The following CCSER1 variants were observed in gnomAD, a reference collection of about 807,000 sequenced individuals.
CCSER1 encodes the protein serine-rich coiled-coil domain-containing protein 1.
In CCSER1, 41 loss-of-function variants were observed where a neutral mutation model predicts 82.0. The ratio of observed to expected loss-of-function variants is 0.50; its 90% CI spans 0.39 to 0.65. The LOEUF is 0.65. Ranked by LOEUF, CCSER1 falls within the 30% of genes least tolerant of loss-of-function variation. CCSER1 has a pLI of 0.00. For synonymous variants in CCSER1, 414 were observed against 383.9 expected (o/e 1.08, Z -0.92); for missense variants, 1,119 against 1,064.2 (o/e 1.05, Z -0.72).
chr4:90,129,594 C>G (rs1024425515), intron 1 of CCSER1, among the ~76,000 whole-genome samples: 1 of 152,142 alleles, frequency 6.6e-6, no homozygotes, highest in African/African-American at 2.4e-5. Flanking sequence ...ACCACACTTT[C>G]AATAGTTTCA....
At chr4:90,795,743 T>C (rs1755914987) in intron 7 of CCSER1, among the ~76,000 whole-genome samples, 1 of 152,194 alleles carries the variant, frequency 6.6e-6, no homozygotes, top group Non-Finnish European at 1.5e-5. Flanking sequence ...TCTGCATCTA[T>C]TGAAATAATT....
At chr4:91,264,003 A>G (rs1293336998) in intron 10 of CCSER1, among the ~76,000 whole-genome samples, 1 of 151,948 alleles carries the variant, frequency 6.6e-6, no homozygotes, top group Non-Finnish European at 1.5e-5. Flanking sequence ...TTATATTTCT[A>G]TGTTTTAAAT....
At chr4:90,867,235 T>G (rs907789671) in intron 8 of CCSER1, among the ~76,000 whole-genome samples, 1 of 151,962 alleles carries the variant, frequency 6.6e-6, no homozygotes, top group Non-Finnish European at 1.5e-5. Context: ...GTAAACTTAT[T>G]TCTATCCACT....
intron 3 of CCSER1, among the ~76,000 whole-genome samples, chr4:90,373,418 C>T (rs1267335507): frequency 6.6e-6 from 1 of 152,064 alleles, no homozygotes; most frequent in Non-Finnish European, 1.5e-5. Flanking sequence ...GTATTAAAGA[C>T]TTGCCAAACT....
chr4:90,311,956 G>T (rs950615687), intron 2 of CCSER1, among the ~76,000 whole-genome samples: 1 of 152,126 alleles, frequency 6.6e-6, no homozygotes, highest in African/African-American at 2.4e-5. Context: ...TTCCACTGGG[G>T]ATACTCAGTT....
chr4:91,447,326 T>A (rs1256327457), intron 10 of CCSER1, among the ~76,000 whole-genome samples: 2 of 152,148 alleles, frequency 1.3e-5, no homozygotes, highest in African/African-American at 4.8e-5. Context: ...GCTCCTTGTC[T>A]TTTGTTCCTT....
At chr4:90,203,725 T>C (rs1738209099) in intron 1 of CCSER1, among the ~76,000 whole-genome samples, 1 of 152,184 alleles carries the variant, frequency 6.6e-6, no homozygotes, top group Non-Finnish European at 1.5e-5. Context: ...GATTGCTGGG[T>C]CAAATGGTAT....
intron 6 of CCSER1, among the ~76,000 whole-genome samples, chr4:90,722,377 GT>G (rs1742823759): frequency 6.6e-6 from 1 of 151,822 alleles, no homozygotes; most frequent in South Asian, 2.1e-4. Flanking sequence ...TTTTTTCTGT[GT>G]TTTTCAGCAT....
intron 5 of CCSER1, among the ~76,000 whole-genome samples, chr4:90,510,703 G>A (rs1012449490): frequency 3.9e-5 from 6 of 152,206 alleles, no homozygotes; most frequent in African/African-American, 1.4e-4. Context: ...GCCATGAGCA[G>A]CCATAAACAC....
intron 8 of CCSER1, among the ~76,000 whole-genome samples, chr4:90,889,982 G>A (rs563726796): frequency 6.6e-5 from 10 of 152,020 alleles, no homozygotes; most frequent in Non-Finnish European, 1.3e-4. Flanking sequence ...CAGGCATAAA[G>A]AGCATATTTT....
chr4:91,365,811 G>T (rs1749575491), intron 10 of CCSER1, among the ~76,000 whole-genome samples: 1 of 152,166 alleles, frequency 6.6e-6, no homozygotes, highest in African/African-American at 2.4e-5. Context: ...GGGAGTTAAT[G>T]TTTTGAATAG....
chr4:90,571,725 C>T lies in CCSER1; in HGVS notation c.1725-56300C>T, dbSNP rs183303468. The stretch of plus-strand genomic sequence containing the variant: ...AATATACCCTTATAACAAACTGGTA[C>T]ATGTACCACCTGAATTTAAAATTAA... On this transcript the variant is annotated intron_variant, in intron 5 of 10. Coordinates refer to ENST00000509176, the MANE Select transcript of CCSER1 (RefSeq NM_001145065.2). 7.2e-4 allele frequency among the ~76,000 whole-genome samples: 109 copies of T among 152,196 alleles called. 1 individual carries two copies. The South Asian group carries it at 0.011, about 16-fold the overall frequency.
At chr4:90,472,285 C>A in intron 5 of CCSER1, among the ~76,000 whole-genome samples, 1 of 152,190 alleles carries the variant, frequency 6.6e-6, no homozygotes, top group Middle Eastern at 3.4e-3. Flanking sequence ...TATATAATTA[C>A]ATCACTTTAG....
chr4:90,759,836 G>T (rs1264965187), intron 7 of CCSER1, among the ~76,000 whole-genome samples: 2 of 151,900 alleles, frequency 1.3e-5, no homozygotes, highest in Admixed American at 6.6e-5. Context: ...TTTTAAAAAT[G>T]ACCAAATCAA....
At chr4:90,574,739 A>C (rs1289113127) in intron 5 of CCSER1, among the ~76,000 whole-genome samples, 1 of 151,832 alleles carries the variant, frequency 6.6e-6, no homozygotes, top group Non-Finnish European at 1.5e-5. Flanking sequence ...AATTTAAATA[A>C]AATAGAATAT....
chr4:90,177,426 T>G (rs1190477458), intron 1 of CCSER1, among the ~76,000 whole-genome samples: 1 of 152,100 alleles, frequency 6.6e-6, no homozygotes. Context: ...GCTTTCTGCT[T>G]CATCTTCAGG....
chr4:90,185,160 T>A (rs1197700104), intron 1 of CCSER1, among the ~76,000 whole-genome samples: 1 of 152,060 alleles, frequency 6.6e-6, no homozygotes, highest in Non-Finnish European at 1.5e-5. Context: ...CTTCACAATA[T>A]GTGCGGATTA....
chr4:90,981,970 G>T (rs1420141836), intron 9 of CCSER1, among the ~76,000 whole-genome samples: 1 of 151,728 alleles, frequency 6.6e-6, no homozygotes, highest in East Asian at 1.9e-4. Flanking sequence ...GCATAATCTC[G>T]AATTCTTCCT....
intron 10 of CCSER1, among the ~76,000 whole-genome samples, chr4:91,115,884 C>G: frequency 1.0e-5 from 1 of 98,210 alleles, no homozygotes; most frequent in East Asian, 3.1e-4. Flanking sequence ...ACTTTAAGTT[C>G]TAGGGTACAT....
Sources: gnomAD v4.1 joint callset for allele counts (sites outside exome capture counted in the v4.1 genomes callset) on GRCh38, gnomAD v4.1.1 for gene constraint, MANE v1.5 for transcripts, NCBI Gene and HGNC (gene_info 2026-07-23, HGNC 2026-07-21) for gene names.